Variants in AP3S2 observed in about 807,000 individuals in gnomAD.
AP3S2 encodes AP-3 complex subunit sigma-2.
In AP3S2, 22 loss-of-function variants were observed where a neutral mutation model predicts 23.4. That is an observed-to-expected ratio of 0.94 (90% CI 0.67 to 1.34). The LOEUF is 1.34. Ranked by LOEUF, AP3S2 falls within the 40% of genes most tolerant of loss-of-function variation. AP3S2 has a pLI of 0.00. For synonymous variants in AP3S2, 86 were observed against 87.1 expected, an observed-to-expected ratio of 0.99 and a Z score of 0.07; for missense variants, 241 against 236.9, an observed-to-expected ratio of 1.02 and a Z score of -0.11.
chr15:89,879,346 T>C (rs138913747), intron 3 of AP3S2, among the ~76,000 whole-genome samples: 3 of 152,214 alleles, frequency 2.0e-5, no homozygotes, highest in Admixed American at 1.3e-4. Flanking sequence ...GCAATTCCAA[T>C]TGAGAAATCT....
chr15:89,884,517 T>G (rs1361743658), intron 3 of AP3S2, among the ~76,000 whole-genome samples: 1 of 152,094 alleles, frequency 6.6e-6, no homozygotes, highest in African/African-American at 2.4e-5. Context: ...ACACTGCTTG[T>G]TAATGGCAGA....
intron 3 of AP3S2, among the ~76,000 whole-genome samples, chr15:89,886,073 G>A (rs995750290): frequency 6.6e-5 from 10 of 151,958 alleles, no homozygotes; most frequent in Admixed American, 4.6e-4. Context: ...GTTAGAGGCC[G>A]GGCGCAGTGG....
intron 3 of AP3S2, among the ~76,000 whole-genome samples, chr15:89,887,102 T>C (rs1444556602): frequency 6.6e-6 from 1 of 152,210 alleles, no homozygotes; most frequent in East Asian, 1.9e-4. Flanking sequence ...CGCCTTGAGC[T>C]CTTTCTATTA....
intron 3 of AP3S2, among the ~76,000 whole-genome samples, chr15:89,877,885 T>G (rs1159497174): frequency 2.6e-5 from 4 of 152,194 alleles, no homozygotes; most frequent in African/African-American, 9.6e-5. Flanking sequence ...AAAATAAGAT[T>G]TTTTTCATAA....
intron 4 of AP3S2, among the ~76,000 whole-genome samples, chr15:89,862,400 A>G (rs907121971): frequency 5.9e-5 from 9 of 152,232 alleles, no homozygotes; most frequent in African/African-American, 2.2e-4. Flanking sequence ...AATGTATTAT[A>G]TAAGAATATC....
At chr15:89,841,556 A>T (rs942018337) in intron 4 of AP3S2, among the ~76,000 whole-genome samples, 1 of 152,226 alleles carries the variant, frequency 6.6e-6, no homozygotes, top group Non-Finnish European at 1.5e-5. Flanking sequence ...GTTGAGGCTA[A>T]ATGAGAAATC....
chr15:89,853,682 G>C (rs1257473253), intron 4 of AP3S2, among the ~76,000 whole-genome samples: 1 of 135,004 alleles, frequency 7.4e-6, no homozygotes, highest in Non-Finnish European at 1.6e-5. Flanking sequence ...CTTCCCAGCC[G>C]CCATCACATC....
At chr15:89,836,699 C>T (rs761644415) in intron 5 of AP3S2, among the ~76,000 whole-genome samples, 1 of 152,184 alleles carries the variant, frequency 6.6e-6, no homozygotes, top group Non-Finnish European at 1.5e-5. Flanking sequence ...TCTGCTTCTG[C>T]CCTCACCCAG....
At chr15:89,850,024 C>A (rs374511200) in intron 4 of AP3S2, among the ~76,000 whole-genome samples, 74 of 152,246 alleles carry the variant, frequency 4.9e-4, no homozygotes, top group African/African-American at 1.6e-3. Flanking sequence ...TTTTTTATGG[C>A]TGCATAGTAT....
At position 89,871,473 on chromosome 15, in the gene AP3S2, AC is replaced by A; in HGVS notation, c.345+1del. On this transcript the variant is annotated splice_donor_variant, in intron 4 of 5. Transcript: ENST00000336418. LOFTEE classifies it high-confidence loss of function. ...TTGGAAGAGAACTGCAAGAGAATAT[AC>A]CTTATCCATATGGAAGATCAAATCC... The A allele has an allele frequency of 6.2e-7, 1 of 1,613,432 alleles. No homozygotes were observed. Among genetic ancestry groups the A allele is most frequent in the Non-Finnish European group, 8.5e-7 (1 of 1,179,788 alleles).
chr15:89,870,812 G>C (rs1896301112), intron 4 of AP3S2, among the ~76,000 whole-genome samples: 2 of 152,154 alleles, frequency 1.3e-5, no homozygotes, highest in Admixed American at 1.3e-4. Flanking sequence ...AAACTGCACA[G>C]GGGACAGCAT....
chr15:89,888,916 T>A (rs1896757733), intron 2 of AP3S2, 133 bp downstream of exon 2: 11 of 1,031,194 alleles, frequency 1.1e-5, no homozygotes, highest in Non-Finnish European at 1.6e-5. Flanking sequence ...TGTCTCTCCC[T>A]GAGCAGATCA....
intron 4 of AP3S2, among the ~76,000 whole-genome samples, chr15:89,849,518 C>G (rs1029195871): frequency 1.3e-5 from 2 of 151,990 alleles, no homozygotes; most frequent in African/African-American, 2.4e-5. Context: ...AGGCGCCCAC[C>G]ACCACGCCCG....
At chr15:89,864,568 T>TC (rs2141870993) in intron 4 of AP3S2, among the ~76,000 whole-genome samples, 1 of 149,344 alleles carries the variant, frequency 6.7e-6, no homozygotes, top group East Asian at 1.9e-4. Flanking sequence ...ACCAACACAT[T>TC]TTTTTTTTTT....
At chr15:89,877,825 A>G (rs1292511212) in intron 3 of AP3S2, among the ~76,000 whole-genome samples, 1 of 152,258 alleles carries the variant, frequency 6.6e-6, no homozygotes, top group East Asian at 1.9e-4. Context: ...AAAGAAAAAC[A>G]CCAAAAAACT....
chr15:89,837,855 C>A (rs917447463), intron 4 of AP3S2, 133 bp from the exon 5 acceptor site: 1 of 979,552 alleles, frequency 1.0e-6, no homozygotes, highest in Non-Finnish European at 1.5e-6. Flanking sequence ...GACACTCAAA[C>A]CCCCCTGCCC....
At chr15:89,859,418 G>C (rs1895956104) in intron 4 of AP3S2, among the ~76,000 whole-genome samples, 1 of 105,212 alleles carries the variant, frequency 9.5e-6, no homozygotes, top group South Asian at 3.1e-4. Context: ...TTTTGAGATG[G>C]AGTCCTGCTC....
Position 89,890,997 on chromosome 15 carries a change from G to A in AP3S2, c.70-1857C>T, listed in dbSNP as rs116263513. ...GCTCACAGATGACAGGATGCTGTAGGAGACGAACTCTATATATGCAAAATA... is the reference window on the plus strand; with the variant it reads ...GCTCACAGATGACAGGATGCTGTAGAAGACGAACTCTATATATGCAAAATA... On this transcript the variant is annotated intron_variant, in intron 1 of 5. Coordinates refer to ENST00000336418, the MANE Select transcript of AP3S2 (RefSeq NM_005829.5). 6.1e-3 allele frequency among the ~76,000 whole-genome samples: 922 copies of A among 152,260 alleles called. 15 individuals are homozygous for A. Among genetic ancestry groups the A allele is most frequent in the African/African-American group, 0.021 (885 of 41,542 alleles).
At chr15:89,851,424 C>T (rs1300212899) in intron 4 of AP3S2, among the ~76,000 whole-genome samples, 1 of 152,060 alleles carries the variant, frequency 6.6e-6, no homozygotes, top group Non-Finnish European at 1.5e-5. Context: ...CTGCAACCTC[C>T]GCCTCCTGCG....
Sources: allele counts gnomAD v4.1 joint callset (sites outside exome capture counted in the v4.1 genomes callset), GRCh38; gene constraint gnomAD v4.1.1; transcripts MANE v1.5; gene names NCBI Gene and HGNC (gene_info 2026-07-23, HGNC 2026-07-21).